The following NOTCH3 variants were observed in gnomAD, a reference collection of about 807,000 sequenced individuals.
NOTCH3 encodes the protein notch receptor 3.
A neutral mutation model predicts 213.3 loss-of-function variants in NOTCH3; 86 were observed. The ratio of observed to expected loss-of-function variants is 0.40; its 90% confidence interval spans 0.34 to 0.48. The LOEUF (loss-of-function observed/expected upper bound fraction) is 0.48, where lower values mean the gene tolerates loss of function less well. NOTCH3 is among the 20% of genes least tolerant of loss of function. The pLI is 0.57. For synonymous variants in NOTCH3, 1,354 were observed against 1,355.9 expected (o/e 1.00, Z 0.03); for missense variants, 2,783 against 3,272.6 (o/e 0.85, Z 3.65).
At chr19:15,188,549 T>C (rs888030924) in intron 8 of NOTCH3, among the ~76,000 whole-genome samples, 1 of 152,100 alleles carries the variant, frequency 6.6e-6, no homozygotes. Flanking sequence ...CCAAGGCTCA[T>C]GGGTGTCCGC....
intron 10 of NOTCH3, 102 bp downstream of exon 10, chr19:15,187,779 G>A (rs1568359860): frequency 2.1e-6 from 2 of 935,862 alleles, no homozygotes; most frequent in East Asian, 2.6e-5. Flanking sequence ...GTCCTGCCTT[G>A]CTACAACCCC....
At position 15,161,442 on chromosome 19, in the gene NOTCH3, C is replaced by G. The variant is rs750155379; in HGVS notation, c.6186G>C (p.Lys2062Asn). The change falls in exon 33 of 33, where the codon AAG (lysine) becomes AAC (asparagine). Residue 2062 changes from lysine to asparagine, a missense_variant. Physicochemically the swap from Lys to Asn is moderately conservative, Grantham distance 94. This residue lies in a region of NOTCH3 where 441 missense variants were observed against 432.1 expected (regional missense o/e 1.02). Coordinates refer to ENST00000263388, the MANE Select transcript of NOTCH3 (RefSeq NM_000435.3). The part of the protein sequence containing the change: ...GLKAAQSGSK[K>N]SRRPPGKAGL... ...CCGCCTTCCCGGGGGGCCTCCTGCT[C>G]TTCTTGGACCCCGACTGTGCCGCTT... 1 of 1,549,274 alleles carries G rather than the reference C, an allele frequency of 6.5e-7. No individual in the cohort carries two copies. The highest frequency in any genetic ancestry group is 8.7e-7 in the Non-Finnish European group (1 of 1,145,050).
rs556749084 is a variant in NOTCH3 at position 15,180,406 on chromosome 19, C to G, written c.3143-150G>C. The G allele has an allele frequency of 6.2e-5, 59 of 956,128 alleles. 3 individuals carry two copies. The South Asian group carries it at 8.2e-4, about 13-fold the overall frequency. The allele number at this position is 956,128 out of a possible 1,614,324, so 59.2% of individuals were successfully genotyped here. A position where few individuals can be genotyped will look rare whatever the true frequency, so the allele number is the denominator to read the frequency against. On this transcript the variant is annotated intron_variant, in intron 19 of 32. Transcript: ENST00000263388. ...GGTTGTCACACATCCCCCCAGCAGG[C>G]AAGGTCTCATCACTGACATACACAC... is the stretch of plus-strand genomic sequence containing the variant.
intron 17 of NOTCH3, 81 bp downstream of exon 17, chr19:15,181,495 G>A (rs1165941183): frequency 5.8e-6 from 7 of 1,196,772 alleles, no homozygotes; most frequent in Non-Finnish European, 8.4e-6. Flanking sequence ...CCCCCAAGTC[G>A]TTGCTGTCCC....
chr19:15,197,172 T>C (rs1183882454), intron 2 of NOTCH3, among the ~76,000 whole-genome samples: 1 of 151,982 alleles, frequency 6.6e-6, no homozygotes, highest in Non-Finnish European at 1.5e-5. Context: ...ACCTACCTCA[T>C]GGGGGGCTTT....
chr19:15,166,596 T>A (rs1490870256), intron 29 of NOTCH3, among the ~76,000 whole-genome samples: 1 of 152,148 alleles, frequency 6.6e-6, no homozygotes, highest in Non-Finnish European at 1.5e-5. Context: ...AAGAGAGCCA[T>A]AAGTACAGGC....
chr19:15,184,160 C>G (rs1212836868), intron 16 of NOTCH3, 135 bp downstream of exon 16: 1 of 901,416 alleles, frequency 1.1e-6, no homozygotes, highest in Non-Finnish European at 1.7e-6. Context: ...CCTCGGGCCT[C>G]AGTTTCCATA....
At position 15,192,212 on chromosome 19, in the gene NOTCH3, G is replaced by A. The variant is rs772201554; in HGVS notation, c.427C>T (p.Leu143Phe). The A allele has an allele frequency of 6.2e-7, 1 of 1,610,712 alleles. No individual in the cohort carries two copies. Among genetic ancestry groups the A allele is most frequent in the South Asian group, 1.1e-5 (1 of 90,754 alleles). Residue 143 changes from leucine to phenylalanine, a missense_variant, in exon 4 of 33, where the codon CTC (leucine) becomes TTC (phenylalanine). Physicochemically the swap from Leu to Phe is conservative, Grantham distance 22. Around this residue, in one of 6 missense-constraint regions of NOTCH3, gnomAD observed 708 missense variants for 906.6 expected, o/e 0.78. Coordinates refer to ENST00000263388, the MANE Select transcript of NOTCH3 (RefSeq NM_000435.3). ...RCSVGPDGRF[L>F]CSCPPGYQGR... ...TGGTAGCCAGGTGGGCAGGAGCAGA[G>A]GAAGCGTCCATCGGGCCCCACTGAG...
intron 1 of NOTCH3, among the ~76,000 whole-genome samples, chr19:15,197,920 G>T (rs763029736): frequency 1.3e-5 from 2 of 152,180 alleles, no homozygotes; most frequent in Non-Finnish European, 2.9e-5. Flanking sequence ...AAGTAAGGGT[G>T]CTGAGTGTTA....
chr19:15,174,329 T>G lies in NOTCH3; in HGVS notation c.4475A>C (p.Glu1492Ala), dbSNP rs2046768843. 1 of 1,552,880 alleles carries G rather than the reference T, an allele frequency of 6.4e-7. No individual in the cohort carries two copies. The highest frequency in any genetic ancestry group is 2.4e-5 in the East Asian group (1 of 41,136). The change falls in exon 25 of 33, where the codon GAG becomes GCG. Residue 1492 changes from glutamate (E) to alanine (A), a missense_variant. Physicochemically the swap from Glu to Ala is moderately radical, Grantham distance 107. This residue lies in a region of NOTCH3 where 636 missense variants were observed against 801.8 expected (regional missense o/e 0.79). Coordinates refer to ENST00000263388, the MANE Select transcript of NOTCH3 (RefSeq NM_000435.3). ...ACAATCCAGCCCATCCCAGCCGCAC[T>G]CCTCCGTGTTGCAGCCCTGGTCGCA... ...GRCDQGCNTE[E>A]CGWDGLDCAS... is the part of the protein sequence containing the mutation.
intron 28 of NOTCH3, among the ~76,000 whole-genome samples, chr19:15,169,457 A>C (rs145612423): frequency 6.2e-4 from 93 of 149,462 alleles, no homozygotes; most frequent in African/African-American, 2.2e-3. Context: ...CCCAGTCTGG[A>C]GTGCCAGGTT....
In NOTCH3 at chr19:15,189,026, G is replaced by A. The variant is rs2046906781; in HGVS notation, c.1341C>T (p.Leu447=). 2.5e-6 allele frequency: 4 copies of A among 1,612,814 alleles called. No homozygotes were observed. The highest frequency in any genetic ancestry group is 3.4e-6 in the Non-Finnish European group (4 of 1,179,884). The part of the protein sequence containing the change: ...SGPCRNQATC[L]DRIGQFTCIC... ...TACAGGTGAACTGGCCTATGCGGTC[G>A]AGGCACGTGGCCTGGTTTCGGCAGG... The change falls in exon 8 of 33, where the codon CTC becomes CTT. Residue 447 remains leucine (L), a synonymous_variant. Coordinates refer to ENST00000263388, the MANE Select transcript of NOTCH3 (RefSeq NM_000435.3).
At chr19:15,188,522 C>T (rs546230593) in intron 8 of NOTCH3, among the ~76,000 whole-genome samples, 174 bp from the exon 9 acceptor site, 13 of 152,208 alleles carry the variant, frequency 8.5e-5, no homozygotes, top group Admixed American at 1.3e-4. Flanking sequence ...TGTCACCCAG[C>T]CGTGGTCCCA....
chr19:15,185,081 C>A lies in NOTCH3; in HGVS notation c.2297-62G>T. On this transcript the variant is annotated intron_variant, in intron 14 of 32. Transcript: ENST00000263388. This position sits in a 1 kb window ranked among gnomAD's most constrained non-coding sequence, Gnocchi z 4.2. Reference sequence around the variant, plus strand: ...TTGAGGGACTCCCTGATCCCATCTCCCCCCACCTCCCCCAACCCCAGGGTC... The same window carrying A: ...TTGAGGGACTCCCTGATCCCATCTCACCCCACCTCCCCCAACCCCAGGGTC... 1 of 1,230,276 alleles carries A rather than the reference C, an allele frequency of 8.1e-7. No homozygotes were observed. The highest frequency in any genetic ancestry group is 1.5e-5 in the South Asian group (1 of 68,490). 76.2% of individuals were successfully genotyped at this position (1,230,276 alleles called of 1,614,324 possible).
At chr19:15,168,325 G>A (rs1324429303) in intron 28 of NOTCH3, among the ~76,000 whole-genome samples, 2 of 152,070 alleles carry the variant, frequency 1.3e-5, no homozygotes, top group Non-Finnish European at 2.9e-5. Flanking sequence ...GGTTGAGCAG[G>A]TTTTTTTATC....
Position 15,191,425 on chromosome 19 carries a change from A to C in NOTCH3, c.1035T>G (p.Thr345=). 6.2e-7 allele frequency: 1 copy of C among 1,612,800 alleles called. No individual in the cohort carries two copies. Among genetic ancestry groups the C allele is most frequent in the East Asian group, 2.2e-5 (1 of 44,884 alleles). The part of the protein sequence containing the change: ...SFYCACPMGK[T]GLLCHLDDAC... Reference sequence around the variant, plus strand: ...CCTGCAGAGAAAACGGCCACTCACCAGTCTTGCCCATGGGGCAGGCACAGT... The same window carrying C: ...CCTGCAGAGAAAACGGCCACTCACCCGTCTTGCCCATGGGGCAGGCACAGT... The change falls in exon 6 of 33, where the codon ACT becomes ACG. Residue 345 remains threonine, a splice_region_variant and synonymous_variant. Transcript: ENST00000263388.
chr19:15,193,779 ACAAAAAAC>A lies in NOTCH3; in HGVS notation c.198-1268_198-1261del, dbSNP rs753866706. ...GAGGGAGACTCCATCTCAAAAAAAA[ACAAAAAAC>A]AAAAAAAACAAACAGGCCAGGCGCA... On this transcript the variant is annotated intron_variant, in intron 2 of 32. Transcript: ENST00000263388. Among the ~76,000 whole-genome samples the A allele has an allele frequency of 2.5e-4, 25 of 98,856 alleles. 4 individuals are homozygous for A. The highest frequency in any genetic ancestry group is 8.6e-4 in the African/African-American group (20 of 23,154). The allele number at this position is 98,856 out of a possible 152,430, so 64.9% of individuals were successfully genotyped here. A position where few individuals can be genotyped will look rare whatever the true frequency, so the allele number is the denominator to read the frequency against.
chr19:15,161,188 C>A lies in NOTCH3; in HGVS notation c.6440G>T (p.Gly2147Val). ...TCCTCCAGGGGGCTGGCGCCCTAGA[C>A]CCGCCCGGCCTGGGCCACCAAGCTG... ...LAQLGGPGRA[G>V]LGRQPPGGCV... Residue 2147 changes from glycine to valine, a missense_variant, in exon 33 of 33, where the codon GGT becomes GTT. Physicochemically the swap from Gly to Val is moderately radical, Grantham distance 109 (BLOSUM62 -3). Transcript: ENST00000263388. 6.5e-7 allele frequency: 1 copy of A among 1,539,980 alleles called. No individual in the cohort carries two copies. Among genetic ancestry groups the A allele is most frequent in the Non-Finnish European group, 8.7e-7 (1 of 1,148,888 alleles).
At chr19:15,183,998 G>C (rs540383031) in intron 16 of NOTCH3, among the ~76,000 whole-genome samples, 2 of 124,968 alleles carry the variant, frequency 1.6e-5, no homozygotes, top group African/African-American at 3.2e-5. Context: ...AGCGATGATT[G>C]CAACACTGCA....
Sources: gnomAD v4.1 joint callset for allele counts (sites outside exome capture counted in the v4.1 genomes callset) on GRCh38, gnomAD v4.1.1 for gene constraint, gnomAD v4.1.1 regional missense constraint, Gnocchi (gnomAD v3.1) non-coding constraint, MANE v1.5 for transcripts, NCBI Gene and HGNC (gene_info 2026-07-23, HGNC 2026-07-21) for gene names.